Variants in CRISPLD2 observed in about 807,000 individuals in gnomAD.
CRISPLD2 encodes the protein cysteine rich secretory protein LCCL domain containing 2, also known as cysteine-rich secretory protein LCCL domain-containing 2.
CRISPLD2 carries 47 observed loss-of-function variants against 71.1 expected under a neutral mutation model. That is an observed-to-expected ratio of 0.66 (90% CI 0.52 to 0.84). The LOEUF (loss-of-function observed/expected upper bound fraction) is 0.84, where lower values mean the gene tolerates loss of function less well. Among genes scored for constraint, CRISPLD2 ranks in the 40% least tolerant of loss-of-function variants. CRISPLD2 has a pLI of 0.00. For missense variants in CRISPLD2, 830 were observed against 651.1 expected, an observed-to-expected ratio of 1.27 and a Z score of -2.99; for synonymous variants, 317 against 250.1, an observed-to-expected ratio of 1.27 and a Z score of -2.52.
intron 5 of CRISPLD2, among the ~76,000 whole-genome samples, chr16:84,852,026 G>A (rs1461113386): frequency 6.6e-6 from 1 of 152,154 alleles, no homozygotes; most frequent in African/African-American, 2.4e-5. Flanking sequence ...ACCAAGGGGT[G>A]GCAGATCAAG....
chr16:84,890,148 G>A lies in CRISPLD2; in HGVS notation c.1439+785G>A, dbSNP rs1162329676. ...CCGAGGCAGGCAGATCATGAGGTCA[G>A]GAGATCGAGACCATCCTGGCTAACA... On this transcript the variant is annotated intron_variant, in intron 14 of 14. Transcript: ENST00000262424. Among the ~76,000 whole-genome samples, 4 of 151,868 alleles carry A rather than the reference G, an allele frequency of 2.6e-5. No homozygotes were observed. The South Asian group carries it at 8.3e-4, about 32-fold the overall frequency.
At chr16:84,847,967 TTTTG>T (rs1464986056) in intron 3 of CRISPLD2, among the ~76,000 whole-genome samples, 1 of 152,214 alleles carries the variant, frequency 6.6e-6, no homozygotes, top group Admixed American at 6.5e-5. Context: ...CATTTTTGTT[TTTTG>T]TTTTTGTCTT....
intron 6 of CRISPLD2, among the ~76,000 whole-genome samples, chr16:84,858,760 C>A (rs979294521): frequency 2.6e-5 from 4 of 152,186 alleles, no homozygotes; most frequent in Non-Finnish European, 5.9e-5. Flanking sequence ...CAGCTGAAGG[C>A]AAATTACTTC....
intron 7 of CRISPLD2, among the ~76,000 whole-genome samples, chr16:84,868,407 G>A (rs113710630): frequency 3.3e-5 from 5 of 152,228 alleles, no homozygotes; most frequent in African/African-American, 7.2e-5. Flanking sequence ...GAGATGACTC[G>A]GGTGAGCCTG....
intron 13 of CRISPLD2, 194 bp downstream of exon 13, chr16:84,880,778 C>T (rs1031076767): frequency 2.0e-5 from 9 of 443,394 alleles, no homozygotes; most frequent in Non-Finnish European, 3.6e-5. Context: ...TAATCTTGGC[C>T]CACTGTAACC....
intron 11 of CRISPLD2, among the ~76,000 whole-genome samples, chr16:84,875,955 C>G (rs1006826970): frequency 1.3e-5 from 2 of 152,140 alleles, no homozygotes; most frequent in Admixed American, 1.3e-4. Flanking sequence ...AACCAGTCCC[C>G]TTTGTTGGAT....
intron 7 of CRISPLD2, 152 bp from the exon 8 acceptor site, chr16:84,868,699 G>C: frequency 4.5e-6 from 3 of 673,976 alleles, no homozygotes; most frequent in Non-Finnish European, 7.8e-6. Flanking sequence ...TGAGCCCCCA[G>C]CGGAAGCCTG....
chr16:84,833,633 T>G (rs1916541668), intron 1 of CRISPLD2, among the ~76,000 whole-genome samples: 1 of 152,150 alleles, frequency 6.6e-6, no homozygotes, highest in Admixed American at 6.5e-5. Flanking sequence ...AGGAGGGCAC[T>G]CTGCAGGGGG....
At position 84,906,849 on chromosome 16, in the gene CRISPLD2, C is replaced by G; in HGVS notation, c.*207C>G. ...ATCCCAAGGTGCTCAGCCGGACTCC[C>G]TGGTGCCTGATCCTGCTGGGGCCTG... is the stretch of plus-strand genomic sequence containing the variant. On this transcript the variant is annotated 3_prime_UTR_variant, in exon 15 of 15. Coordinates refer to ENST00000262424, the MANE Select transcript of CRISPLD2 (RefSeq NM_031476.4). The G allele has an allele frequency of 2.0e-5, 13 of 660,814 alleles. No individual in the cohort carries two copies. Among genetic ancestry groups the G allele is most frequent in the Non-Finnish European group, 1.1e-5 (4 of 369,520 alleles). The allele number at this position is 660,814 out of a possible 1,614,324, so 40.9% of individuals were successfully genotyped here.
At chr16:84,841,334 C>G (rs1411551426) in intron 2 of CRISPLD2, among the ~76,000 whole-genome samples, 1 of 152,086 alleles carries the variant, frequency 6.6e-6, no homozygotes, top group East Asian at 1.9e-4. Flanking sequence ...TCGTGAGTCT[C>G]TTTCCTTAAC....
At chr16:84,861,405 G>A (rs993747409) in intron 6 of CRISPLD2, among the ~76,000 whole-genome samples, 4 of 152,134 alleles carry the variant, frequency 2.6e-5, no homozygotes, top group African/African-American at 4.8e-5. Context: ...TCTGCAAGCC[G>A]AGGAGCAAGG....
At chr16:84,884,250 A>G (rs2071592755) in intron 13 of CRISPLD2, among the ~76,000 whole-genome samples, 1 of 152,140 alleles carries the variant, frequency 6.6e-6, no homozygotes, top group African/African-American at 2.4e-5. Context: ...TCTGATCTTT[A>G]TCAGCTGAGT....
chr16:84,822,556 C>T (rs1253017347), intron 1 of CRISPLD2, among the ~76,000 whole-genome samples: 1 of 152,144 alleles, frequency 6.6e-6, no homozygotes, highest in Non-Finnish European at 1.5e-5. Flanking sequence ...CTTTCTTTTT[C>T]TTTTTTCTTC....
chr16:84,899,231 C>G (rs2071732388), intron 14 of CRISPLD2, among the ~76,000 whole-genome samples: 1 of 152,120 alleles, frequency 6.6e-6, no homozygotes, highest in Non-Finnish European at 1.5e-5. Flanking sequence ...GTTTAGTGCT[C>G]TTTATGAAAG....
Position 84,838,470 on chromosome 16 carries a change from C to G in CRISPLD2, c.-26C>G. The G allele has an allele frequency of 6.2e-7, 1 of 1,607,714 alleles. No homozygotes were observed. On this transcript the variant is annotated 5_prime_UTR_variant, in exon 2 of 15. Transcript: ENST00000262424. Reference sequence around the variant, plus strand: ...GAGGAGCCCAGGCTGCCCCGTGAGTCCCATAGTTGCTGCAGGAGTGGAGCC... The same window carrying G: ...GAGGAGCCCAGGCTGCCCCGTGAGTGCCATAGTTGCTGCAGGAGTGGAGCC...
At chr16:84,825,754 C>CAAAT (rs933059409) in intron 1 of CRISPLD2, among the ~76,000 whole-genome samples, 12 of 151,158 alleles carry the variant, frequency 7.9e-5, no homozygotes, top group East Asian at 1.9e-4. Context: ...GACTCCATCT[C>CAAAT]AAATAAATAA....
chr16:84,886,288 A>G (rs1251340315), intron 13 of CRISPLD2, among the ~76,000 whole-genome samples: 1 of 152,108 alleles, frequency 6.6e-6, no homozygotes, highest in African/African-American at 2.4e-5. Context: ...CTCAGGGTGC[A>G]TTTTCCAGAC....
intron 6 of CRISPLD2, among the ~76,000 whole-genome samples, chr16:84,865,278 C>T (rs536004205): frequency 3.3e-5 from 5 of 152,240 alleles, no homozygotes; most frequent in Non-Finnish European, 7.4e-5. Context: ...GCCTCAGCCC[C>T]CCAAGTAGCT....
At chr16:84,844,751 T>C (rs1916866404) in intron 2 of CRISPLD2, among the ~76,000 whole-genome samples, 1 of 152,164 alleles carries the variant, frequency 6.6e-6, no homozygotes, top group South Asian at 2.1e-4. Context: ...GGGTGGCCAG[T>C]GAGAGTCTAA....
Sources: gnomAD v4.1 joint callset for allele counts (sites outside exome capture counted in the v4.1 genomes callset) on GRCh38, gnomAD v4.1.1 for gene constraint, MANE v1.5 for transcripts, NCBI Gene and HGNC (gene_info 2026-07-23, HGNC 2026-07-21) for gene names.